The following CYB5R1 variants were observed in gnomAD, a reference collection of about 807,000 sequenced individuals.
The protein encoded by CYB5R1 is cytochrome b5 reductase 1.
CYB5R1 carries 32 observed loss-of-function variants against 37.4 expected under a neutral mutation model. That is an observed-to-expected ratio of 0.86 (90% confidence interval 0.65 to 1.15). The LOEUF (loss-of-function observed/expected upper bound fraction) is 1.15, where lower values mean the gene tolerates loss of function less well. CYB5R1 is among the 50% of genes most tolerant of loss of function. The probability of loss-of-function intolerance (pLI) is 0.00; values close to 1 mark genes in which losing one functional copy is unlikely to be tolerated. For synonymous variants in CYB5R1, 159 were observed against 155.2 expected, an observed-to-expected ratio of 1.02 and a Z score of -0.18; for missense variants, 345 against 382.5, an observed-to-expected ratio of 0.90 and a Z score of 0.82.
At chr1:202,963,827 ACCACT>A in intron 6 of CYB5R1, 100 bp from the exon 7 acceptor site, 1 of 633,274 alleles carries the variant, frequency 1.6e-6, no homozygotes, top group Non-Finnish European at 2.6e-6. Context: ...CTGCTCATTC[ACCACT>A]CCACTCCATT....
At position 202,963,165 on chromosome 1, in the gene CYB5R1, T is replaced by C; in HGVS notation, c.646A>G (p.Thr216Ala). ...TQCFLLFANQ[T>A]EKDIILREDL... is the part of the protein sequence containing the mutation. ...TCCCGCAAGATGATATCCTTTTCTGTCTGAAATGCAAAGGGGAAGGAAAGT... is the reference window on the plus strand; with the variant it reads ...TCCCGCAAGATGATATCCTTTTCTGCCTGAAATGCAAAGGGGAAGGAAAGT... Residue 216 changes from threonine (T) to alanine (A), a missense_variant and splice_region_variant, in exon 8 of 9, where the codon ACA becomes GCA. Coordinates refer to ENST00000367249, the MANE Select transcript of CYB5R1 (RefSeq NM_016243.3). 1 of 1,612,180 alleles carries C rather than the reference T, an allele frequency of 6.2e-7. No homozygotes were observed. The highest frequency in any genetic ancestry group is 8.5e-7 in the Non-Finnish European group (1 of 1,178,278).
At position 202,962,207 on chromosome 1, in the gene CYB5R1, A is replaced by AAGAT. The variant is rs1185088255; in HGVS notation, c.*316_*319dup. 3.7e-6 allele frequency: 1 copy of AAGAT among 270,264 alleles called. No homozygotes were observed. Among genetic ancestry groups the AAGAT allele is most frequent in the Non-Finnish European group, 6.9e-6 (1 of 145,732 alleles). The allele number at this position is 270,264 out of a possible 1,614,324, so 16.7% of individuals were successfully genotyped here. A position where few individuals can be genotyped will look rare whatever the true frequency, so the allele number is the denominator to read the frequency against. On this transcript the variant is annotated 3_prime_UTR_variant, in exon 9 of 9. Coordinates refer to ENST00000367249, the MANE Select transcript of CYB5R1 (RefSeq NM_016243.3). ...TCACAGACACAAAGAAGGTGAGAGT[A>AAGAT]AGATGCTATCAAGGAACTAGCCAAT...
Position 202,962,553 on chromosome 1 carries a change from A to G in CYB5R1, c.892T>C (p.Ser298Pro), listed in dbSNP as rs1655010033. 2 of 1,612,404 alleles carry G rather than the reference A, an allele frequency of 1.2e-6. No homozygotes were observed. Among genetic ancestry groups the G allele is most frequent in the South Asian group, 2.2e-5 (2 of 91,024 alleles). Residue 298 changes from serine (S) to proline (P), a missense_variant, in exon 9 of 9, where the codon TCA (serine) becomes CCA (proline). Ser to Pro is a moderately conservative substitution (Grantham distance 74, BLOSUM62 -1). Transcript: ENST00000367249. ...CHPNLDKLGY[S>P]QKMRFTY ...CAGTAGGTGAATCGCATCTTTTGTG[A>G]GTAGCCCAGTTTGTCCAAGTTGGGA...
rs181308363 is a variant in CYB5R1 at position 202,962,053 on chromosome 1, T to A, written c.*474A>T. 6.5e-6 allele frequency: 1 copy of A among 152,974 alleles called. No individual in the cohort carries two copies. Among genetic ancestry groups the A allele is most frequent in the Admixed American group, 6.5e-5 (1 of 15,310 alleles). The allele number at this position is 152,974 out of a possible 1,614,324, so 9.5% of individuals were successfully genotyped here. On this transcript the variant is annotated 3_prime_UTR_variant, in exon 9 of 9. Coordinates refer to ENST00000367249, the MANE Select transcript of CYB5R1 (RefSeq NM_016243.3). ...GAGATCTGAAGAAATCATTTCCTCCTTTCTTGCCATCTCCATAAGACCACC... is the reference window on the plus strand; with the variant it reads ...GAGATCTGAAGAAATCATTTCCTCCATTCTTGCCATCTCCATAAGACCACC...
intron 8 of CYB5R1, 99 bp from the exon 9 acceptor site, chr1:202,962,798 G>T: frequency 1.4e-6 from 2 of 1,447,032 alleles, no homozygotes; most frequent in South Asian, 1.2e-5. Context: ...AGGCTCTGGA[G>T]AAAGTGTCAA....
Position 202,963,917 on chromosome 1 carries a change from T to C in CYB5R1, c.560-190A>G, listed in dbSNP as rs895536182. 13 of 450,196 alleles carry C rather than the reference T, an allele frequency of 2.9e-5. No individual in the cohort carries two copies. In the Admixed American group the frequency reaches 3.4e-4, roughly 12 times the overall value. The allele number at this position is 450,196 out of a possible 1,614,324, so 27.9% of individuals were successfully genotyped here. On this transcript the variant is annotated intron_variant, in intron 6 of 8. Coordinates refer to ENST00000367249, the MANE Select transcript of CYB5R1 (RefSeq NM_016243.3). The stretch of plus-strand genomic sequence containing the variant: ...TCTGTATTTCCGGGCACCCTTCAAA[T>C]TCATCTAAGTTCATATTGTAGAAAT...
At chr1:202,963,811 T>A in intron 6 of CYB5R1, 84 bp from the exon 7 acceptor site, 1 of 815,270 alleles carries the variant, frequency 1.2e-6, no homozygotes, top group South Asian at 2.2e-5. Context: ...CCCTTTCATC[T>A]TCATTCTGCT....
chr1:202,963,801 C>A (rs1420341534), intron 6 of CYB5R1, 74 bp from the exon 7 acceptor site: 1 of 963,000 alleles, frequency 1.0e-6, no homozygotes, highest in South Asian at 1.9e-5. Context: ...AGCTGACCAG[C>A]CCTTTCATCT....
intron 4 of CYB5R1, 75 bp from the exon 5 acceptor site, chr1:202,965,575 T>C: frequency 6.9e-7 from 1 of 1,446,138 alleles, no homozygotes; most frequent in East Asian, 2.4e-5. Flanking sequence ...TAAACCTCCC[T>C]GAGGCTGGGG....
At position 202,965,957 on chromosome 1, in the gene CYB5R1, C is replaced by T. The variant is rs759215954; in HGVS notation, c.275G>A (p.Ser92Asn). Residue 92 changes from serine to asparagine, a missense_variant, in exon 4 of 9, where the codon AGC becomes AAC. By Grantham distance (46) the Ser-to-Asn change is conservative. Coordinates refer to ENST00000367249, the MANE Select transcript of CYB5R1 (RefSeq NM_016243.3). Reference sequence around the variant, plus strand: ...AGGAGTGTATGGCCTGATGACCAGGCTGCCATCAATTCGGGTGGAGAGGTA... The same window carrying T: ...AGGAGTGTATGGCCTGATGACCAGGTTGCCATCAATTCGGGTGGAGAGGTA... ...HIYLSTRIDG[S>N]LVIRPYTPVT... 6.2e-7 allele frequency: 1 copy of T among 1,614,058 alleles called. No homozygotes were observed. The highest frequency in any genetic ancestry group is 2.2e-5 in the East Asian group (1 of 44,886).
Position 202,966,788 on chromosome 1 carries a change from G to A in CYB5R1, c.126C>T (p.Asp42=), listed in dbSNP as rs746829125. 3.1e-6 allele frequency: 5 copies of A among 1,614,066 alleles called. No homozygotes were observed. Among genetic ancestry groups the A allele is most frequent in the Admixed American group, 1.7e-5 (1 of 60,012 alleles). ...RSRRPQVTLL[D]PNEKYLLRLL... is the part of the protein sequence containing the mutation. Reference sequence around the variant, plus strand: ...GTCGTAGCAGGTACTTTTCATTGGGGTCCAGGAGAGTGACCTGAGGCCGGC... The same window carrying A: ...GTCGTAGCAGGTACTTTTCATTGGGATCCAGGAGAGTGACCTGAGGCCGGC... The change falls in exon 2 of 9, where the codon GAC becomes GAT. Residue 42 remains aspartate, a synonymous_variant. Transcript: ENST00000367249.
Position 202,963,163 on chromosome 1 carries a change from T to C in CYB5R1, c.648A>G (p.Thr216=). 1 of 1,612,318 alleles carries C rather than the reference T, an allele frequency of 6.2e-7. No homozygotes were observed. The highest frequency in any genetic ancestry group is 1.1e-5 in the South Asian group (1 of 91,062). ...TQCFLLFANQ[T]EKDIILREDL... ...CCTCCCGCAAGATGATATCCTTTTCTGTCTGAAATGCAAAGGGGAAGGAAA... is the reference window on the plus strand; with the variant it reads ...CCTCCCGCAAGATGATATCCTTTTCCGTCTGAAATGCAAAGGGGAAGGAAA... The change falls in exon 8 of 9, where the codon ACA becomes ACG. Residue 216 remains threonine (T), a splice_region_variant and synonymous_variant. Coordinates refer to ENST00000367249, the MANE Select transcript of CYB5R1 (RefSeq NM_016243.3).
rs550820543 is a variant in CYB5R1, at chr1:202,966,002, C to T, written c.239-9G>A. 124 of 1,582,058 alleles carry T rather than the reference C, an allele frequency of 7.8e-5. No individual in the cohort carries two copies. The highest frequency in any genetic ancestry group is 1.0e-4 in the Non-Finnish European group (118 of 1,151,360). ...GAGGTAGATATGTTTGCCTGGGGAC[C>T]GTGCAGAGAGCTACATAAGGGTTGT... On this transcript the variant is annotated splice_polypyrimidine_tract_variant and intron_variant, in intron 3 of 8. Transcript: ENST00000367249.
chr1:202,963,108 T>C lies in CYB5R1; in HGVS notation c.703A>G (p.Asn235Asp), dbSNP rs1247995967. The C allele has an allele frequency of 6.2e-7, 1 of 1,614,138 alleles. No homozygotes were observed. ...DLEELQARYP[N>D]RFKLWFTLDH... ...AGAGTGAACCAGAGCTTAAAGCGAT[T>C]GGGATAGCGGGCCTGCAGTTCCTCT... is the stretch of plus-strand genomic sequence containing the variant. Residue 235 changes from asparagine to aspartate, a missense_variant, in exon 8 of 9, where the codon AAT becomes GAT. By Grantham distance (23) the Asn-to-Asp change is conservative. Coordinates refer to ENST00000367249, the MANE Select transcript of CYB5R1 (RefSeq NM_016243.3).
chr1:202,963,029 G>A, intron 8 of CYB5R1, 37 bp downstream of exon 8: 1 of 1,550,718 alleles, frequency 6.4e-7, no homozygotes, highest in South Asian at 1.1e-5. Flanking sequence ...TTTTGACGAT[G>A]AGGGGATAGT....
chr1:202,966,062 A>G (rs1264986074), intron 3 of CYB5R1, 69 bp from the exon 4 acceptor site: 1 of 1,014,514 alleles, frequency 9.9e-7, no homozygotes. Flanking sequence ...ATACTCAAAG[A>G]GATTTGAGAG....
intron 3 of CYB5R1, 45 bp from the exon 4 acceptor site, chr1:202,966,038 C>T: frequency 8.1e-7 from 1 of 1,236,926 alleles, no homozygotes; most frequent in Non-Finnish European, 1.2e-6. Context: ...CTGTGATGTG[C>T]TGCATCCCTC....
intron 3 of CYB5R1, 193 bp from the exon 4 acceptor site, chr1:202,966,186 T>G (rs1025995669): frequency 1.7e-6 from 1 of 598,898 alleles, no homozygotes; most frequent in Non-Finnish European, 3.0e-6. Context: ...GAAACACTTA[T>G]TTCCAGCGTT....
chr1:202,966,962 C>A, intron 1 of CYB5R1, 64 bp from the exon 2 acceptor site: 1 of 1,527,172 alleles, frequency 6.5e-7, no homozygotes, highest in Non-Finnish European at 8.8e-7. Context: ...GGGTGGTGAC[C>A]GTCCCAGGGG....
Sources: gnomAD v4.1 joint callset for allele counts on GRCh38, gnomAD v4.1.1 for gene constraint, MANE v1.5 for transcripts, NCBI Gene and HGNC (gene_info 2026-07-23, HGNC 2026-07-21) for gene names.